The following ZNF676 variants were observed in gnomAD, a reference collection of about 807,000 sequenced individuals.
The protein encoded by ZNF676 is zinc finger protein 676.
A neutral mutation model predicts 6.0 loss-of-function variants in ZNF676; 4 were observed. The observed-to-expected ratio is 0.67, with a 90% CI of 0.33 to 1.53. The LOEUF is 1.53. ZNF676 is among the 40% of genes most tolerant of loss of function. ZNF676 has a pLI of 0.06. For synonymous variants in ZNF676, 198 were observed against 223.1 expected, an observed-to-expected ratio of 0.89 and a Z score of 1.00; for missense variants, 644 against 679.7, an observed-to-expected ratio of 0.95 and a Z score of 0.58.
the ZNF676 span, among the ~76,000 whole-genome samples, chr19:22,233,225 C>G: frequency 9.2e-5 from 14 of 152,224 alleles, no homozygotes; most frequent in Admixed American, 4.6e-4. Flanking sequence ...ATGTTGCCCA[C>G]GCTGGTCTCC....
At chr19:22,187,197 G>C (rs2023850800) in intron 2 of ZNF676, among the ~76,000 whole-genome samples, 1 of 152,120 alleles carries the variant, frequency 6.6e-6, no homozygotes, top group African/African-American at 2.4e-5. Flanking sequence ...AATCAAATTA[G>C]AACTCAGGAT....
chr19:22,212,414 A>T (rs1323065412), intron 1 of ZNF676, among the ~76,000 whole-genome samples: 3 of 151,754 alleles, frequency 2.0e-5, no homozygotes, highest in Non-Finnish European at 2.9e-5. Context: ...TAAAAAACTG[A>T]GGTCAGCCGG....
the ZNF676 span, among the ~76,000 whole-genome samples, chr19:22,242,350 G>A: frequency 6.6e-6 from 1 of 151,882 alleles, no homozygotes; most frequent in Admixed American, 6.6e-5. Flanking sequence ...GCAAGGTGCA[G>A]GCAAAACAAA....
the ZNF676 span, among the ~76,000 whole-genome samples, chr19:22,259,227 T>C: frequency 1.3e-5 from 2 of 151,930 alleles, no homozygotes; most frequent in Admixed American, 6.6e-5. Flanking sequence ...ATTATCTAGG[T>C]GAAGTGTTTA....
chr19:22,230,671 T>A, the ZNF676 span, among the ~76,000 whole-genome samples: 5 of 148,118 alleles, frequency 3.4e-5, no homozygotes, highest in Admixed American at 6.7e-5. Flanking sequence ...ATATATATAT[T>A]TTTTTGAGCC....
chr19:22,215,458 C>T (rs954813611), intron 1 of ZNF676, among the ~76,000 whole-genome samples: 1 of 152,198 alleles, frequency 6.6e-6, no homozygotes, highest in Non-Finnish European at 1.5e-5. Flanking sequence ...AGAGACAGGA[C>T]GCCCGGCGGC....
At chr19:22,236,105 C>T in the ZNF676 span, among the ~76,000 whole-genome samples, 1 of 151,778 alleles carries the variant, frequency 6.6e-6, no homozygotes, top group Non-Finnish European at 1.5e-5. Context: ...AATGGTGGCA[C>T]TAATCTCTGA....
At chr19:22,234,682 C>A in the ZNF676 span, among the ~76,000 whole-genome samples, 1 of 152,178 alleles carries the variant, frequency 6.6e-6, no homozygotes, top group South Asian at 2.1e-4. Context: ...GCCTGTAATC[C>A]CAGCACTTTG....
chr19:22,214,314 C>A (rs2024161489), intron 1 of ZNF676, among the ~76,000 whole-genome samples: 1 of 152,150 alleles, frequency 6.6e-6, no homozygotes, highest in Admixed American at 6.6e-5. Context: ...CTAATTTCTA[C>A]TTTTAAAAAA....
At chr19:22,208,708 C>T (rs1177532269) in intron 1 of ZNF676, among the ~76,000 whole-genome samples, 1 of 151,660 alleles carries the variant, frequency 6.6e-6, no homozygotes, top group Admixed American at 6.6e-5. Flanking sequence ...ACTTTGGGGG[C>T]TGAGCCAGGT....
At chr19:22,209,186 C>T (rs571297032) in intron 1 of ZNF676, among the ~76,000 whole-genome samples, 14 of 151,974 alleles carry the variant, frequency 9.2e-5, no homozygotes, top group Non-Finnish European at 1.0e-4. Flanking sequence ...TGCTTGAACC[C>T]GGGAGGTGGA....
At chr19:22,194,879 G>T (rs1316778853) in intron 1 of ZNF676, among the ~76,000 whole-genome samples, 1 of 152,098 alleles carries the variant, frequency 6.6e-6, no homozygotes. Flanking sequence ...AGATCTCCCA[G>T]TCAGAGAAAG....
At position 22,179,905 on chromosome 19, in the gene ZNF676, C is replaced by A; in HGVS notation, c.*45G>T. The A allele has an allele frequency of 6.4e-7, 1 of 1,570,622 alleles. No individual in the cohort carries two copies. Among genetic ancestry groups the A allele is most frequent in the Non-Finnish European group, 8.7e-7 (1 of 1,149,046 alleles). On this transcript the variant is annotated 3_prime_UTR_variant, in exon 3 of 3. Coordinates refer to ENST00000397121, the MANE Select transcript of ZNF676 (RefSeq NM_001001411.3). The stretch of plus-strand genomic sequence containing the variant: ...TCCAGTATGAATTTTCTTATGTTTA[C>A]TAGACTGAGAATCAGCTGAAGGATT...
At chr19:22,256,716 C>T in the ZNF676 span, among the ~76,000 whole-genome samples, 1 of 152,104 alleles carries the variant, frequency 6.6e-6, no homozygotes. Context: ...AGTGTCACCT[C>T]ACCTAGGTTC....
the ZNF676 span, among the ~76,000 whole-genome samples, chr19:22,235,425 C>T: frequency 6.6e-6 from 1 of 152,158 alleles, no homozygotes; most frequent in African/African-American, 2.4e-5. Context: ...AATAGGTTGC[C>T]TCCAAAACCC....
upstream of ZNF676, among the ~76,000 whole-genome samples, chr19:22,218,312 G>A: frequency 6.6e-6 from 1 of 151,860 alleles, no homozygotes; most frequent in South Asian, 2.1e-4. Flanking sequence ...TTTTGTATAA[G>A]GTGAGAGATG....
At chr19:22,234,541 G>C in the ZNF676 span, among the ~76,000 whole-genome samples, 1 of 152,178 alleles carries the variant, frequency 6.6e-6, no homozygotes, top group African/African-American at 2.4e-5. Context: ...ATAAAACATA[G>C]TCAAACGTTC....
At chr19:22,245,504 GCCC>G in the ZNF676 span, among the ~76,000 whole-genome samples, 37,828 of 141,184 alleles carry the variant, frequency 0.27, 5,592 homozygotes, top group South Asian at 0.46. Context: ...ATGTCACAAT[GCCC>G]CCCCCCCCAC....
Position 22,187,580 on chromosome 19 carries a change from A to AT in ZNF676, c.130+5435dup, listed in dbSNP as rs1025529388. Among the ~76,000 whole-genome samples, 950 of 148,986 alleles carry AT rather than the reference A, an allele frequency of 6.4e-3. 14 individuals carry two copies. The highest frequency in any genetic ancestry group is 0.02 in the African/African-American group (835 of 40,814). On this transcript the variant is annotated intron_variant, in intron 2 of 2. Transcript: ENST00000397121. ...AAAAAAATCAGTGAATCCAGGAGCTATTTTTTTTTTCAAAAAGATCAACAA... is the reference window on the plus strand; with the variant it reads ...AAAAAAATCAGTGAATCCAGGAGCTATTTTTTTTTTTCAAAAAGATCAACAA...
Sources: gnomAD v4.1 joint callset for allele counts (sites outside exome capture counted in the v4.1 genomes callset) on GRCh38, gnomAD v4.1.1 for gene constraint, MANE v1.5 for transcripts, NCBI Gene and HGNC (gene_info 2026-07-23, HGNC 2026-07-21) for gene names.